Variants in MEGF10 observed in about 807,000 individuals in gnomAD.
MEGF10 encodes multiple epidermal growth factor-like domains protein 10.
Under a neutral mutation model 147.5 loss-of-function variants are expected in MEGF10, and 86 were observed. That is an observed-to-expected ratio of 0.58 (90% CI 0.49 to 0.70). The LOEUF is 0.70. Ranked by LOEUF, MEGF10 falls within the 30% of genes least tolerant of loss-of-function variation. MEGF10 has a pLI of 0.00. For synonymous variants in MEGF10, 478 were observed against 525.5 expected (o/e 0.91, Z 1.24); for missense variants, 1,329 against 1,487.3 (o/e 0.89, Z 1.75).
chr5:127,326,006 C>T (rs1238182021), intron 1 of MEGF10, among the ~76,000 whole-genome samples: 3 of 150,650 alleles, frequency 2.0e-5, no homozygotes, highest in Admixed American at 6.6e-5. Flanking sequence ...GAGGCTCAAG[C>T]GATCCTCCTA....
intron 1 of MEGF10, among the ~76,000 whole-genome samples, chr5:127,305,887 T>C (rs1292886638): frequency 1.3e-5 from 2 of 152,240 alleles, no homozygotes; most frequent in East Asian, 3.8e-4. Flanking sequence ...TATTGAATTA[T>C]ACTGCATTGC....
intron 12 of MEGF10, among the ~76,000 whole-genome samples, 156 bp downstream of exon 12, chr5:127,420,363 C>T (rs77761988): frequency 4.1e-4 from 62 of 152,222 alleles, no homozygotes; most frequent in Admixed American, 7.2e-4. Context: ...TCAAATTGGA[C>T]GTAGGATTGG....
intron 5 of MEGF10, among the ~76,000 whole-genome samples, chr5:127,388,129 C>CT (rs1426761894): frequency 1.3e-5 from 2 of 152,100 alleles, no homozygotes; most frequent in Admixed American, 6.6e-5. Context: ...AGCTTTCTAG[C>CT]TTTTTTGTTT....
upstream of MEGF10, among the ~76,000 whole-genome samples, chr5:127,288,346 A>G (rs1385655832): frequency 6.6e-6 from 1 of 152,160 alleles, no homozygotes; most frequent in Non-Finnish European, 1.5e-5. Flanking sequence ...TTATATACAT[A>G]TCTAACAAAT....
chr5:127,429,919 G>T (rs1028455004), intron 13 of MEGF10, among the ~76,000 whole-genome samples: 3 of 152,098 alleles, frequency 2.0e-5, no homozygotes, highest in Admixed American at 2.0e-4. Context: ...ACACTCTATA[G>T]CATGGCGCTC....
At chr5:127,403,324 T>G (rs1764199341) in intron 8 of MEGF10, among the ~76,000 whole-genome samples, 2 of 152,152 alleles carry the variant, frequency 1.3e-5, no homozygotes, top group South Asian at 4.1e-4. Context: ...CACATAGTAG[T>G]TGTATATATT....
intron 8 of MEGF10, among the ~76,000 whole-genome samples, chr5:127,406,958 A>C (rs902699268): frequency 1.9e-4 from 29 of 152,166 alleles, no homozygotes; most frequent in African/African-American, 5.3e-4. Flanking sequence ...TATTAGCTGG[A>C]TGAAGGGATG....
At position 127,457,228 on chromosome 5, in the gene MEGF10, T is replaced by G; in HGVS notation, c.3333T>G (p.Tyr1111Ter). 1 of 1,614,208 alleles carries G rather than the reference T, an allele frequency of 6.2e-7. No homozygotes were observed. The highest frequency in any genetic ancestry group is 1.1e-5 in the South Asian group (1 of 91,088). ...AGAACAGTCACATCCCTTGTCATTA[T>G]GACCTGCTGCCAGTCCGAGACAGTT... ...LPKNSHIPCH[Y>*]DLLPVRDSSS... is the part of the protein sequence containing the mutation. Residue 1111 changes from tyrosine (Y) to a stop codon, truncating the protein, a stop_gained, in exon 25 of 25, where the codon TAT (tyrosine) becomes TAG (stop). Coordinates refer to ENST00000503335, the MANE Select transcript of MEGF10 (RefSeq NM_001256545.2). LOFTEE classifies it high-confidence loss of function.
At chr5:127,272,627 G>T in the MEGF10 span, among the ~76,000 whole-genome samples, 7,627 of 152,008 alleles carry the variant, frequency 0.05, 319 homozygotes, top group African/African-American at 0.11. Flanking sequence ...GTAGTTCTCC[G>T]TGATGAGGTC....
chr5:127,378,238 A>C (rs1040304829), intron 5 of MEGF10, among the ~76,000 whole-genome samples: 5 of 152,172 alleles, frequency 3.3e-5, no homozygotes, highest in African/African-American at 1.2e-4. Context: ...TATTATACTC[A>C]TAGGCTTGTG....
Position 127,348,398 on chromosome 5 carries a change from A to C in MEGF10, c.319+7768A>C, listed in dbSNP as rs894176165. On this transcript the variant is annotated intron_variant, in intron 4 of 24. Transcript: ENST00000503335. ...TAAAATGGAAATGCAATCAAATTTAAATGTAGAATTATTTTTATATCAAAA... is the reference window on the plus strand; with the variant it reads ...TAAAATGGAAATGCAATCAAATTTACATGTAGAATTATTTTTATATCAAAA... Among the ~76,000 whole-genome samples the C allele has an allele frequency of 2.6e-5, 4 of 152,256 alleles. No homozygotes were observed. In the East Asian group the frequency reaches 7.7e-4, roughly 29 times the overall value.
At chr5:127,353,506 A>G (rs141540527) in intron 4 of MEGF10, among the ~76,000 whole-genome samples, 1 of 152,326 alleles carries the variant, frequency 6.6e-6, no homozygotes, top group East Asian at 1.9e-4. Context: ...GGCTGGCCAT[A>G]CATTCTCAGT....
At chr5:127,424,975 G>C (rs949630034) in intron 13 of MEGF10, among the ~76,000 whole-genome samples, 3 of 152,180 alleles carry the variant, frequency 2.0e-5, no homozygotes, top group Non-Finnish European at 2.9e-5. Flanking sequence ...CTAACAGAGA[G>C]ACCACATCAT....
the MEGF10 span, among the ~76,000 whole-genome samples, chr5:127,285,329 C>G: frequency 9.9e-5 from 15 of 151,870 alleles, no homozygotes; most frequent in Admixed American, 9.8e-4. Flanking sequence ...TTTGATAGAC[C>G]TAAATGAATA....
chr5:127,238,621 C>A, the MEGF10 span, among the ~76,000 whole-genome samples: 1 of 152,210 alleles, frequency 6.6e-6, no homozygotes, highest in African/African-American at 2.4e-5. Flanking sequence ...GCAGGGCGGT[C>A]TGGCTCCTGA....
chr5:127,361,163 C>T (rs575924107), intron 4 of MEGF10, among the ~76,000 whole-genome samples: 1 of 151,956 alleles, frequency 6.6e-6, no homozygotes, highest in African/African-American at 2.4e-5. Context: ...ATCATTGAAA[C>T]CATCTGGAAT....
At chr5:127,331,092 T>C (rs906328740) in intron 1 of MEGF10, among the ~76,000 whole-genome samples, 199 bp from the exon 2 acceptor site, 1 of 152,170 alleles carries the variant, frequency 6.6e-6, no homozygotes, top group Non-Finnish European at 1.5e-5. Flanking sequence ...ATTTACAAAA[T>C]AGTAGCCACC....
chr5:127,374,513 A>T (rs528441621), intron 5 of MEGF10, among the ~76,000 whole-genome samples: 26 of 89,136 alleles, frequency 2.9e-4, no homozygotes, highest in Non-Finnish European at 4.4e-4. Context: ...TCCTATACAT[A>T]AAAAAAACCC....
chr5:127,238,561 G>A, the MEGF10 span, among the ~76,000 whole-genome samples: 1 of 152,174 alleles, frequency 6.6e-6, no homozygotes, highest in African/African-American at 2.4e-5. Context: ...TTACAGATGT[G>A]GACAGAGAAA....
Sources: allele counts gnomAD v4.1 joint callset (sites outside exome capture counted in the v4.1 genomes callset), GRCh38; gene constraint gnomAD v4.1.1; transcripts MANE v1.5; gene names NCBI Gene and HGNC (gene_info 2026-07-23, HGNC 2026-07-21).